THSD7B: variants seen among roughly 807,000 people sequenced by gnomAD.
The protein encoded by THSD7B is thrombospondin type-1 domain-containing protein 7B.
In THSD7B, 138 loss-of-function variants were observed where a neutral mutation model predicts 213.6. The ratio of observed to expected loss-of-function variants is 0.65; its 90% CI spans 0.56 to 0.74. The LOEUF (loss-of-function observed/expected upper bound fraction) is 0.74. Among genes scored for constraint, THSD7B ranks in the 30% least tolerant of loss-of-function variants. The pLI is 0.00. For missense variants in THSD7B, 1,931 were observed against 1,991.5 expected, an observed-to-expected ratio of 0.97 and a Z score of 0.58; for synonymous variants, 742 against 687.0, an observed-to-expected ratio of 1.08 and a Z score of -1.25.
intron 14 of THSD7B, among the ~76,000 whole-genome samples, chr2:137,430,073 T>A (rs55813308): frequency 0.22 from 34,105 of 151,644 alleles, 3,992 homozygotes; most frequent in South Asian, 0.27. Flanking sequence ...GGAGACCCCA[T>A]CTCCACAAAA....
intron 12 of THSD7B, among the ~76,000 whole-genome samples, chr2:137,382,694 G>T (rs907064936): frequency 6.6e-6 from 1 of 152,198 alleles, no homozygotes. Context: ...CTTTAGCAAA[G>T]TGGGGCACCT....
At chr2:137,471,018 C>G (rs575174186) in intron 15 of THSD7B, among the ~76,000 whole-genome samples, 4 of 149,768 alleles carry the variant, frequency 2.7e-5, no homozygotes, top group African/African-American at 9.9e-5. Context: ...CTCCCAGGTT[C>G]AAGTGATTCT....
chr2:137,633,609 T>G (rs923105741), intron 20 of THSD7B, among the ~76,000 whole-genome samples: 1 of 152,134 alleles, frequency 6.6e-6, no homozygotes, highest in Non-Finnish European at 1.5e-5. Context: ...ACAAAAAATA[T>G]TTAAATTCTC....
At chr2:137,462,855 A>G (rs1367978416) in intron 15 of THSD7B, among the ~76,000 whole-genome samples, 3 of 149,898 alleles carry the variant, frequency 2.0e-5, no homozygotes, top group Non-Finnish European at 2.9e-5. Context: ...TGCTTCCTTT[A>G]AGTGAATAGG....
chr2:137,566,999 C>A (rs774076064), intron 16 of THSD7B, among the ~76,000 whole-genome samples: 4 of 151,982 alleles, frequency 2.6e-5, no homozygotes, highest in Admixed American at 6.6e-5. Flanking sequence ...AAAGCAGGAG[C>A]CTTCTTGGCT....
chr2:137,159,728 G>C (rs903506617), intron 5 of THSD7B, among the ~76,000 whole-genome samples: 1 of 152,104 alleles, frequency 6.6e-6, no homozygotes, highest in African/African-American at 2.4e-5. Flanking sequence ...TCCTAAGTAC[G>C]ATTTTTCTTG....
chr2:137,586,840 C>A (rs895634669), intron 17 of THSD7B, among the ~76,000 whole-genome samples: 1 of 152,134 alleles, frequency 6.6e-6, no homozygotes, highest in Non-Finnish European at 1.5e-5. Context: ...TGAGGAATAT[C>A]TTTGTGGCGT....
chr2:137,458,155 G>A (rs1332048704), intron 15 of THSD7B, among the ~76,000 whole-genome samples: 56 of 152,122 alleles, frequency 3.7e-4, no homozygotes, highest in Admixed American at 3.7e-3. Flanking sequence ...GGAATAAGAA[G>A]GAGCATTGTT....
At chr2:137,172,946 A>C (rs1163471965) in intron 7 of THSD7B, among the ~76,000 whole-genome samples, 2 of 152,168 alleles carry the variant, frequency 1.3e-5, no homozygotes, top group Admixed American at 6.5e-5. Context: ...AGTTTAAAAC[A>C]TGAGCTCTAG....
intron 1 of THSD7B, among the ~76,000 whole-genome samples, chr2:136,873,818 GTCC>G (rs1270327296): frequency 6.6e-6 from 1 of 152,114 alleles, no homozygotes; most frequent in Non-Finnish European, 1.5e-5. Flanking sequence ...ATCAATGACT[GTCC>G]TCCTCATTTT....
chr2:137,519,923 G>T (rs1015872959), intron 15 of THSD7B, among the ~76,000 whole-genome samples: 1 of 152,188 alleles, frequency 6.6e-6, no homozygotes, highest in African/African-American at 2.4e-5. Context: ...CGCAGCAAGA[G>T]AATATAAAGT....
At chr2:137,031,142 G>A (rs1465328747) in intron 2 of THSD7B, among the ~76,000 whole-genome samples, 1 of 152,024 alleles carries the variant, frequency 6.6e-6, no homozygotes, top group African/African-American at 2.4e-5. Context: ...TCAGGAGTTC[G>A]AGACCAGCCT....
chr2:136,981,652 A>G (rs1019581313), intron 2 of THSD7B, among the ~76,000 whole-genome samples: 6 of 152,150 alleles, frequency 3.9e-5, no homozygotes, highest in African/African-American at 1.4e-4. Flanking sequence ...AATTCAAGTT[A>G]GTGAACCTCA....
At chr2:137,072,845 G>C (rs1376773958) in intron 3 of THSD7B, among the ~76,000 whole-genome samples, 6 of 152,108 alleles carry the variant, frequency 3.9e-5, no homozygotes, top group African/African-American at 1.4e-4. Context: ...GGCCTTTTCT[G>C]CATCTATTGA....
intron 25 of THSD7B, among the ~76,000 whole-genome samples, chr2:137,660,827 A>T (rs565039291): frequency 1.8e-4 from 28 of 152,214 alleles, no homozygotes; most frequent in Non-Finnish European, 1.6e-4. Flanking sequence ...AAACCAACTG[A>T]AAATATCATA....
intron 3 of THSD7B, among the ~76,000 whole-genome samples, chr2:137,064,600 C>G (rs956211812): frequency 1.3e-5 from 2 of 151,918 alleles, no homozygotes; most frequent in Non-Finnish European, 2.9e-5. Flanking sequence ...AGAGTTTCCT[C>G]AGTGTTTTTT....
intron 3 of THSD7B, among the ~76,000 whole-genome samples, chr2:137,082,059 A>G (rs781564486): frequency 6.6e-6 from 1 of 152,030 alleles, no homozygotes; most frequent in Non-Finnish European, 1.5e-5. Context: ...TACATTTTGA[A>G]GTCTGTATCT....
At chr2:137,152,956 C>A (rs1210233884) in intron 5 of THSD7B, among the ~76,000 whole-genome samples, 1 of 152,174 alleles carries the variant, frequency 6.6e-6, no homozygotes, top group African/African-American at 2.4e-5. Context: ...TGGTGCTTCT[C>A]ACTTCATGAA....
At chr2:137,320,316 A>C (rs951463991) in intron 12 of THSD7B, among the ~76,000 whole-genome samples, 2 of 152,206 alleles carry the variant, frequency 1.3e-5, no homozygotes, top group East Asian at 1.9e-4. Flanking sequence ...ATTACACAGC[A>C]CAGTATTGTT....
Sources: allele counts gnomAD v4.1 joint callset (sites outside exome capture counted in the v4.1 genomes callset), GRCh38; gene constraint gnomAD v4.1.1; transcripts MANE v1.5; gene names NCBI Gene and HGNC (gene_info 2026-07-23, HGNC 2026-07-21).